Variants in PRDM16 observed in about 807,000 individuals in gnomAD.
The protein encoded by PRDM16 is PR/SET domain 16.
Under a neutral mutation model 110.6 loss-of-function variants are expected in PRDM16, and 23 were observed. The ratio of observed to expected loss-of-function variants is 0.21; its 90% CI spans 0.15 to 0.29. The LOEUF is 0.29. Among genes scored for constraint, PRDM16 ranks in the 10% least tolerant of loss-of-function variants. The pLI is 1.00. For synonymous variants in PRDM16, 799 were observed against 781.8 expected (o/e 1.02, Z -0.37); for missense variants, 1,615 against 1,794.3 (o/e 0.90, Z 1.81).
intron 1 of PRDM16, among the ~76,000 whole-genome samples, chr1:3,082,412 G>A (rs938760006): frequency 2.0e-5 from 3 of 152,206 alleles, no homozygotes; most frequent in Admixed American, 6.5e-5. Context: ...GGGGACAGGA[G>A]AGTGGCCACA....
At chr1:3,258,805 G>T (rs961795685) in intron 3 of PRDM16, among the ~76,000 whole-genome samples, 8 of 152,348 alleles carry the variant, frequency 5.3e-5, no homozygotes, top group African/African-American at 1.9e-4. Flanking sequence ...GCGCGCGGCG[G>T]CTTCTGCCGG....
chr1:3,186,556 A>G (rs1644271021), intron 2 of PRDM16, 82 bp downstream of exon 2: 2 of 965,838 alleles, frequency 2.1e-6, no homozygotes, highest in South Asian at 1.8e-5. Context: ...CTGAGCAGCC[A>G]CTGCCCGAGG....
intron 3 of PRDM16, among the ~76,000 whole-genome samples, chr1:3,252,642 C>T (rs1488476825): frequency 6.6e-6 from 1 of 152,114 alleles, no homozygotes; most frequent in Admixed American, 6.5e-5. Context: ...GTGGGGCAGC[C>T]AGGTCCCAGG....
At chr1:3,388,855 G>A (rs1392881074) in intron 4 of PRDM16, among the ~76,000 whole-genome samples, 1 of 152,192 alleles carries the variant, frequency 6.6e-6, no homozygotes, top group Non-Finnish European at 1.5e-5. Context: ...CACTGGATGT[G>A]GGTTGCTGTG....
intron 1 of PRDM16, among the ~76,000 whole-genome samples, chr1:3,070,278 C>T (rs1158719878): frequency 6.7e-6 from 1 of 149,856 alleles, no homozygotes; most frequent in Non-Finnish European, 1.5e-5. Flanking sequence ...GCCAGCCGGT[C>T]CTTGCCGCGG....
intron 3 of PRDM16, among the ~76,000 whole-genome samples, chr1:3,264,878 T>C (rs1245084767): frequency 1.3e-5 from 2 of 151,404 alleles, no homozygotes; most frequent in African/African-American, 4.9e-5. Flanking sequence ...GGAAATAGGG[T>C]CCAAGGACAG....
intron 3 of PRDM16, among the ~76,000 whole-genome samples, chr1:3,336,320 A>G (rs1000820146): frequency 9.2e-5 from 14 of 151,724 alleles, no homozygotes; most frequent in African/African-American, 3.1e-4. Context: ...CTGTTTGTGT[A>G]CATGCACATG....
rs1397296079 is a variant in PRDM16, at chr1:3,358,436, A to G, written c.439-26716A>G. ...TCGGCGGGTACAGAAAATCTCCCAC[A>G]GTGGAGGAGGTGTTGTCTCCAGAGG... is the stretch of plus-strand genomic sequence containing the variant. On this transcript the variant is annotated intron_variant, in intron 3 of 16. Transcript: ENST00000270722. The surrounding 1 kb of genome is among the most constrained non-coding windows in gnomAD (Gnocchi z 4.0). Among the ~76,000 whole-genome samples the G allele has an allele frequency of 6.6e-6, 1 of 152,118 alleles. No homozygotes were observed. Among genetic ancestry groups the G allele is most frequent in the African/African-American group, 2.4e-5 (1 of 41,410 alleles).
In PRDM16 at chr1:3,397,117, G is replaced by C. The variant is rs917857139; in HGVS notation, c.676+524G>C. Among the ~76,000 whole-genome samples, 3 of 152,154 alleles carry C rather than the reference G, an allele frequency of 2.0e-5. No individual in the cohort carries two copies. In the East Asian group the frequency reaches 5.8e-4, roughly 29 times the overall value. ...GTTTCATTTAAGAGAGTGGATGATG[G>C]CATATGTATCTTTCAAAGCAAAATG... On this transcript the variant is annotated intron_variant, in intron 5 of 16. Transcript: ENST00000270722.
chr1:3,097,880 C>G (rs1046623943), intron 1 of PRDM16, among the ~76,000 whole-genome samples: 1 of 152,124 alleles, frequency 6.6e-6, no homozygotes, highest in Non-Finnish European at 1.5e-5. Flanking sequence ...CTGGAGGAGG[C>G]ACAGGGTGCA....
At chr1:3,252,904 C>G (rs1420382563) in intron 3 of PRDM16, among the ~76,000 whole-genome samples, 1 of 152,108 alleles carries the variant, frequency 6.6e-6, no homozygotes, top group Non-Finnish European at 1.5e-5. Context: ...GAGGGTCATG[C>G]AGGAAAGAAG....
intron 1 of PRDM16, among the ~76,000 whole-genome samples, chr1:3,155,377 C>T (rs1321276575): frequency 6.6e-6 from 1 of 152,234 alleles, no homozygotes; most frequent in South Asian, 2.1e-4. Flanking sequence ...ATGGTCTCCG[C>T]GAGGACTTGG....
intron 2 of PRDM16, among the ~76,000 whole-genome samples, chr1:3,188,933 G>A (rs938292392): frequency 2.1e-4 from 32 of 152,306 alleles, no homozygotes; most frequent in African/African-American, 7.7e-4. Context: ...CCTCAGTTGG[G>A]GCCTTTGGGC....
intron 2 of PRDM16, among the ~76,000 whole-genome samples, chr1:3,198,131 C>T (rs1033180779): frequency 8.5e-5 from 13 of 152,318 alleles, no homozygotes; most frequent in African/African-American, 2.9e-4. Context: ...CTCCTGCACG[C>T]GGGTAGAATC....
intron 1 of PRDM16, among the ~76,000 whole-genome samples, chr1:3,105,718 G>A (rs143342477): frequency 8.0e-4 from 122 of 152,290 alleles, no homozygotes; most frequent in African/African-American, 2.8e-3. Context: ...TTCCTAACTC[G>A]GCCCACAAGC....
intron 1 of PRDM16, among the ~76,000 whole-genome samples, chr1:3,145,638 G>A (rs187207533): frequency 2.0e-5 from 3 of 152,282 alleles, no homozygotes; most frequent in Admixed American, 1.3e-4. Context: ...AGAGATGTGT[G>A]TCCTGCGTGG....
intron 3 of PRDM16, among the ~76,000 whole-genome samples, chr1:3,319,988 C>T (rs1271991437): frequency 1.3e-5 from 2 of 152,312 alleles, no homozygotes; most frequent in Admixed American, 1.3e-4. Flanking sequence ...ATTGGCTACA[C>T]ATGGTGGGTG....
intron 2 of PRDM16, among the ~76,000 whole-genome samples, chr1:3,203,449 C>T (rs1328357095): frequency 2.6e-5 from 4 of 152,214 alleles, no homozygotes; most frequent in African/African-American, 4.8e-5. Context: ...GCCGTAGGGG[C>T]GCTGCCGCAA....
intron 1 of PRDM16, among the ~76,000 whole-genome samples, chr1:3,095,141 G>A (rs1642367556): frequency 6.6e-6 from 1 of 152,200 alleles, no homozygotes; most frequent in Non-Finnish European, 1.5e-5. Flanking sequence ...CCTGTGATGA[G>A]AAGGCCCCTC....
Sources: allele counts gnomAD v4.1 joint callset (sites outside exome capture counted in the v4.1 genomes callset), GRCh38; gene constraint gnomAD v4.1.1; non-coding constraint Gnocchi (gnomAD v3.1); transcripts MANE v1.5; gene names NCBI Gene and HGNC (gene_info 2026-07-23, HGNC 2026-07-21).